PKNOX2: variants seen among roughly 807,000 people sequenced by gnomAD.
PKNOX2 encodes the protein homeobox protein PKNOX2.
PKNOX2 carries 14 observed loss-of-function variants against 53.1 expected under a neutral mutation model. The ratio of observed to expected loss-of-function variants is 0.26; its 90% CI spans 0.17 to 0.41. PKNOX2 has a LOEUF of 0.41. Among genes scored for constraint, PKNOX2 ranks in the 10% least tolerant of loss-of-function variants. PKNOX2 has a pLI of 1.00. For synonymous variants in PKNOX2, 257 were observed against 242.8 expected (o/e 1.06, Z -0.54); for missense variants, 496 against 602.8 (o/e 0.82, Z 1.85).
intron 1 of PKNOX2, among the ~76,000 whole-genome samples, chr11:125,226,473 A>G (rs1420250746): frequency 5.3e-5 from 8 of 152,140 alleles, no homozygotes; most frequent in African/African-American, 2.4e-5. Flanking sequence ...TAGATGAGGA[A>G]GTTGAGGCCC....
In PKNOX2 at chr11:125,315,176, C is replaced by T. The variant is rs183960802; in HGVS notation, c.-129-16643C>T. ...CTCCACAGCATCCCCCTCTCCCCAC[C>T]TCCTTCCTTTTCTCCTCCCTAGTAG... On this transcript the variant is annotated intron_variant, in intron 2 of 12. Coordinates refer to ENST00000298282, the MANE Select transcript of PKNOX2 (RefSeq NM_001382323.2). Among the ~76,000 whole-genome samples, 714 of 152,136 alleles carry T rather than the reference C, an allele frequency of 4.7e-3. 4 individuals are homozygous for T. The highest frequency in any genetic ancestry group is 0.016 in the African/African-American group (677 of 41,516).
intron 7 of PKNOX2, among the ~76,000 whole-genome samples, chr11:125,401,406 C>T (rs535024567): frequency 6.6e-6 from 1 of 152,328 alleles, no homozygotes; most frequent in East Asian, 1.9e-4. Flanking sequence ...CTATGTGCTG[C>T]TCCTGTTGTA....
chr11:125,196,401 C>T (rs1475643542), intron 1 of PKNOX2, among the ~76,000 whole-genome samples: 7 of 152,146 alleles, frequency 4.6e-5, no homozygotes, highest in Admixed American at 2.6e-4. Context: ...CCCGGGACAC[C>T]GTCTTCTGTT....
chr11:125,223,234 C>A (rs1941391256), intron 1 of PKNOX2, among the ~76,000 whole-genome samples: 1 of 151,050 alleles, frequency 6.6e-6, no homozygotes, highest in Admixed American at 6.6e-5. Flanking sequence ...CTCTTTTAGT[C>A]CTTTTTTTTT....
intron 1 of PKNOX2, among the ~76,000 whole-genome samples, chr11:125,167,474 C>G (rs1954976237): frequency 6.6e-6 from 1 of 152,072 alleles, no homozygotes; most frequent in African/African-American, 2.4e-5. Flanking sequence ...GAGCCGTGAC[C>G]CCACGGAGAC....
At chr11:125,169,834 C>T (rs749095343) in intron 1 of PKNOX2, among the ~76,000 whole-genome samples, 1 of 152,220 alleles carries the variant, frequency 6.6e-6, no homozygotes, top group Non-Finnish European at 1.5e-5. Flanking sequence ...GAATTCCTGC[C>T]TTGCATTACA....
In PKNOX2 at chr11:125,427,400, C is replaced by G. The variant is rs555454824; in HGVS notation, c.937-1612C>G. On this transcript the variant is annotated intron_variant, in intron 10 of 12. Coordinates refer to ENST00000298282, the MANE Select transcript of PKNOX2 (RefSeq NM_001382323.2). ...CAACACATGGTCCTGATGGCTTCAT[C>G]TGGGGGATGCTGAGGTAGGGGAGAG... Among the ~76,000 whole-genome samples, 15 of 152,322 alleles carry G rather than the reference C, an allele frequency of 9.8e-5. 2 individuals are homozygous for G. In the South Asian group the frequency reaches 3.1e-3, roughly 32 times the overall value.
chr11:125,309,386 A>G (rs1411416825), intron 2 of PKNOX2, among the ~76,000 whole-genome samples: 2 of 129,646 alleles, frequency 1.5e-5, no homozygotes, highest in East Asian at 2.6e-4. Context: ...TAACAGTACC[A>G]ATTTTTTTTT....
intron 7 of PKNOX2, among the ~76,000 whole-genome samples, chr11:125,400,418 T>G (rs1243229111): frequency 1.3e-5 from 2 of 152,174 alleles, no homozygotes; most frequent in East Asian, 3.9e-4. Flanking sequence ...TGGATTCATC[T>G]TTCTAACTTT....
chr11:125,183,241 A>C (rs1956255530), intron 1 of PKNOX2, among the ~76,000 whole-genome samples: 1 of 43,546 alleles, frequency 2.3e-5, no homozygotes, highest in African/African-American at 8.7e-5. Flanking sequence ...ACGGAGTCTC[A>C]CTCTGTCGCC....
chr11:125,333,854 G>C (rs1323141612), intron 3 of PKNOX2, among the ~76,000 whole-genome samples: 1 of 152,162 alleles, frequency 6.6e-6, no homozygotes, highest in Non-Finnish European at 1.5e-5. Context: ...GGAAGGGCTG[G>C]GGTGGAGGGG....
chr11:125,217,165 G>A (rs1410783039), intron 1 of PKNOX2, among the ~76,000 whole-genome samples: 2 of 152,072 alleles, frequency 1.3e-5, no homozygotes, highest in Non-Finnish European at 2.9e-5. Flanking sequence ...CCAGACAACA[G>A]CACGCTGGTG....
chr11:125,306,165 C>T (rs570580485), intron 2 of PKNOX2, among the ~76,000 whole-genome samples: 143 of 152,268 alleles, frequency 9.4e-4, no homozygotes, highest in African/African-American at 3.4e-3. Flanking sequence ...CCTCCCTCCC[C>T]GCCACTGGCA....
intron 2 of PKNOX2, among the ~76,000 whole-genome samples, chr11:125,270,020 T>C (rs1276919657): frequency 1.3e-5 from 2 of 152,190 alleles, no homozygotes; most frequent in Non-Finnish European, 2.9e-5. Context: ...AAATATCCAG[T>C]TTCTGAATAT....
At chr11:125,350,730 C>G (rs141390359) in intron 3 of PKNOX2, among the ~76,000 whole-genome samples, 2,201 of 152,314 alleles carry the variant, frequency 0.014, 59 homozygotes, top group African/African-American at 0.049. Context: ...CCAGGCCGTC[C>G]TCCGTCTCAC....
chr11:125,300,978 T>C (rs189201635), intron 2 of PKNOX2, among the ~76,000 whole-genome samples: 17 of 152,350 alleles, frequency 1.1e-4, no homozygotes, highest in African/African-American at 4.1e-4. Flanking sequence ...TTGCAGTGTG[T>C]GGCCCTGGGC....
chr11:125,224,475 C>A (rs1013787428), intron 1 of PKNOX2, among the ~76,000 whole-genome samples: 2 of 152,196 alleles, frequency 1.3e-5, no homozygotes, highest in African/African-American at 2.4e-5. Flanking sequence ...AAGCTGCCGG[C>A]CTTGCCTGGG....
At chr11:125,409,146 C>T (rs1316702818) in intron 7 of PKNOX2, among the ~76,000 whole-genome samples, 2 of 152,132 alleles carry the variant, frequency 1.3e-5, no homozygotes, top group African/African-American at 2.4e-5. Context: ...CTTTTTTCTT[C>T]TCCGAACCTA....
intron 5 of PKNOX2, among the ~76,000 whole-genome samples, chr11:125,383,434 C>T (rs1953388541): frequency 1.5e-5 from 2 of 129,124 alleles, no homozygotes; most frequent in South Asian, 6.2e-4. Context: ...GTGGTGAAAT[C>T]CCCTCTCTGC....
Sources: allele counts gnomAD v4.1 joint callset (sites outside exome capture counted in the v4.1 genomes callset), GRCh38; gene constraint gnomAD v4.1.1; transcripts MANE v1.5; gene names NCBI Gene and HGNC (gene_info 2026-07-23, HGNC 2026-07-21).